Variants in USP6NL observed in about 807,000 individuals in gnomAD.
The protein encoded by USP6NL is USP6 N-terminal like, also known as USP6 N-terminal-like protein.
Under a neutral mutation model 61.9 loss-of-function variants are expected in USP6NL, and 26 were observed. That is an observed-to-expected ratio of 0.42 (90% CI 0.31 to 0.58). The LOEUF (loss-of-function observed/expected upper bound fraction) is 0.58, where lower values mean the gene tolerates loss of function less well. Ranked by LOEUF, USP6NL falls within the 20% of genes least tolerant of loss-of-function variation. The pLI is 0.16. For synonymous variants in USP6NL, 432 were observed against 390.1 expected (o/e 1.11, Z -1.27); for missense variants, 1,114 against 1,034.3 (o/e 1.08, Z -1.06).
Position 11,462,827 on chromosome 10 carries a change from G to A in USP6NL, c.2101C>T (p.Leu701Phe), listed in dbSNP as rs1591806458. The change falls in exon 15 of 15, where the codon CTC becomes TTC. Residue 701 changes from leucine (L) to phenylalanine (F), a missense_variant. Leu to Phe is a conservative substitution (Grantham distance 22). Coordinates refer to ENST00000609104, the MANE Select transcript of USP6NL (RefSeq NM_014688.5). ...LVLPSSRIEV[L>F]PVDTGAGGYS... ...CCCCCAGCACCAGTGTCAACAGGGA[G>A]GACTTCTATTCGACTAGACGGCAGT... is the stretch of plus-strand genomic sequence containing the variant. 1.2e-6 allele frequency: 2 copies of A among 1,613,998 alleles called. No homozygotes were observed. The highest frequency in any genetic ancestry group is 1.7e-6 in the Non-Finnish European group (2 of 1,179,896).
At chr10:11,505,206 C>A (rs1296256998) in intron 6 of USP6NL, among the ~76,000 whole-genome samples, 1 of 151,962 alleles carries the variant, frequency 6.6e-6, no homozygotes, top group Non-Finnish European at 1.5e-5. Flanking sequence ...AGGAATGTGC[C>A]AGGAAGGGAA....
In USP6NL at chr10:11,589,870, C is replaced by T. The variant is rs751441684; in HGVS notation, c.4+7761G>A. Among the ~76,000 whole-genome samples the T allele has an allele frequency of 2.0e-5, 3 of 152,272 alleles. No homozygotes were observed. The highest frequency in any genetic ancestry group is 4.1e-4 in the South Asian group (2 of 4,828). On this transcript the variant is annotated intron_variant, in intron 2 of 14. Transcript: ENST00000609104. The surrounding 1 kb of genome is among the most constrained non-coding windows in gnomAD (Gnocchi z 4.7). Reference sequence around the variant, plus strand: ...CCAATGTGTGAGAACAAAATCAAACCGGTGCCGCTCCAGGGTACCAAGGCA... The same window carrying T: ...CCAATGTGTGAGAACAAAATCAAACTGGTGCCGCTCCAGGGTACCAAGGCA...
Position 11,562,510 on chromosome 10 carries a change from G to C in USP6NL, c.5-34943C>G. 1 of 985,344 alleles carries C rather than the reference G, an allele frequency of 1.0e-6. No individual in the cohort carries two copies. The highest frequency in any genetic ancestry group is 1.2e-6 in the Non-Finnish European group (1 of 829,912). 61.0% of individuals were successfully genotyped at this position (985,344 alleles called of 1,614,324 possible). A position where few individuals can be genotyped will look rare whatever the true frequency, so the allele number is the denominator to read the frequency against. On this transcript the variant is annotated intron_variant, in intron 2 of 14. Coordinates refer to ENST00000609104, the MANE Select transcript of USP6NL (RefSeq NM_014688.5). The surrounding 1 kb of genome is among the most constrained non-coding windows in gnomAD (Gnocchi z 4.8). The stretch of plus-strand genomic sequence containing the variant: ...GCTGAGGAGAAACGTGAAAAGAGCC[G>C]GGTCACTCAAGACATTGCTTGGCCA...
intron 2 of USP6NL, among the ~76,000 whole-genome samples, chr10:11,579,473 G>A (rs527384745): frequency 3.3e-5 from 5 of 152,248 alleles, no homozygotes; most frequent in South Asian, 4.2e-4. Context: ...CATGCAGTGC[G>A]CACATGACAC....
intron 2 of USP6NL, among the ~76,000 whole-genome samples, chr10:11,586,008 T>A (rs1238238727): frequency 6.6e-6 from 1 of 152,168 alleles, no homozygotes; most frequent in Non-Finnish European, 1.5e-5. Flanking sequence ...AGATTAAGGT[T>A]GCACAACAAT....
In USP6NL at chr10:11,489,092, G is replaced by A. The variant is rs770478946; in HGVS notation, c.664+10C>T. 1 of 1,613,010 alleles carries A rather than the reference G, an allele frequency of 6.2e-7. No homozygotes were observed. The highest frequency in any genetic ancestry group is 8.5e-7 in the Non-Finnish European group (1 of 1,179,496). ...CTTGATTGTTTAGATAAAGCACAGG[G>A]TTTTCTTACCATGCATGGCATGTTT... On this transcript the variant is annotated intron_variant, in intron 10 of 14. Coordinates refer to ENST00000609104, the MANE Select transcript of USP6NL (RefSeq NM_014688.5). This position sits in a 1 kb window ranked among gnomAD's most constrained non-coding sequence, Gnocchi z 5.7.
In USP6NL at chr10:11,485,878, C is replaced by T. The variant is rs554398509; in HGVS notation, c.698G>A (p.Arg233Lys). The T allele has an allele frequency of 1.9e-6, 3 of 1,554,590 alleles. No individual in the cohort carries two copies. Among genetic ancestry groups the T allele is most frequent in the Admixed American group, 2.0e-5 (1 of 50,244 alleles). Residue 233 changes from arginine to lysine, a missense_variant, in exon 11 of 15, where the codon AGG becomes AAG. Physicochemically the swap from Arg to Lys is conservative, Grantham distance 26. Coordinates refer to ENST00000609104, the MANE Select transcript of USP6NL (RefSeq NM_014688.5). The surrounding 1 kb of genome is among the most constrained non-coding windows in gnomAD (Gnocchi z 4.8). ...TATTTTTTCATGATGTTCTTGAAAC[C>T]TCAAGAGTTTAGGAAAACCTTGGAC... ...FFVQGFPKLL[R>K]FQEHHEKILN...
chr10:11,577,358 C>CAAAGTGCTGAGATTACAGGCGTGAGCCA (rs1566193918), intron 2 of USP6NL, among the ~76,000 whole-genome samples: 2 of 152,120 alleles, frequency 1.3e-5, no homozygotes, highest in Non-Finnish European at 2.9e-5. Flanking sequence ...GCCACCACGC[C>CAAAGTGCTGAGATTACAGGCGTGAGCCA]CAGCCTAGAA....
In USP6NL at chr10:11,601,981, CT is replaced by C. The variant is rs1329203448; in HGVS notation, c.-83-4265del. Among the ~76,000 whole-genome samples, 45 of 151,646 alleles carry C rather than the reference CT, an allele frequency of 3.0e-4. 1 individual carries two copies. The East Asian group carries it at 3.1e-3, about 10-fold the overall frequency. On this transcript the variant is annotated intron_variant, in intron 1 of 14. Transcript: ENST00000609104. ...GCTATTTAGTGAACTGTCCTACCCC[CT>C]AAAAAAGAAAGAAAAAAAAAGAAGA...
chr10:11,475,282 G>A (rs1336602641), intron 14 of USP6NL, among the ~76,000 whole-genome samples: 2 of 147,696 alleles, frequency 1.4e-5, no homozygotes, highest in African/African-American at 5.0e-5. Flanking sequence ...AAAACTCTTT[G>A]CTACAGAAGA....
chr10:11,472,450 C>T (rs568544798), intron 14 of USP6NL, among the ~76,000 whole-genome samples: 2 of 152,338 alleles, frequency 1.3e-5, no homozygotes, highest in South Asian at 2.1e-4. Context: ...TAAGTGCTCG[C>T]TCTGTGAGCA....
intron 2 of USP6NL, among the ~76,000 whole-genome samples, chr10:11,578,778 C>A (rs762565394): frequency 2.6e-5 from 4 of 152,140 alleles, no homozygotes; most frequent in Non-Finnish European, 4.4e-5. Flanking sequence ...TTTATAACTA[C>A]AGAATTTAAA....
intron 4 of USP6NL, among the ~76,000 whole-genome samples, chr10:11,519,705 T>A: frequency 6.6e-6 from 1 of 152,198 alleles, no homozygotes; most frequent in South Asian, 2.1e-4. Flanking sequence ...TTTTTAAATA[T>A]ACACTAAAAG....
chr10:11,466,890 C>T (rs199757343), intron 14 of USP6NL, among the ~76,000 whole-genome samples: 13 of 152,172 alleles, frequency 8.5e-5, no homozygotes, highest in African/African-American at 2.7e-4. Flanking sequence ...AGTGAAAATA[C>T]GCTATTTTCG....
At chr10:11,571,946 C>A (rs1311250915) in intron 2 of USP6NL, among the ~76,000 whole-genome samples, 1 of 149,864 alleles carries the variant, frequency 6.7e-6, no homozygotes, top group African/African-American at 2.4e-5. Flanking sequence ...ATATACTACT[C>A]CTACTACTTT....
chr10:11,603,063 C>T (rs950145145), intron 1 of USP6NL, among the ~76,000 whole-genome samples: 1 of 152,112 alleles, frequency 6.6e-6, no homozygotes, highest in African/African-American at 2.4e-5. Flanking sequence ...GGTTTGTTTA[C>T]GCTATTCACT....
Position 11,532,607 on chromosome 10 carries a change from T to C in USP6NL, c.5-5040A>G, listed in dbSNP as rs1308657007. 6.6e-6 allele frequency among the ~76,000 whole-genome samples: 1 copy of C among 152,194 alleles called. No homozygotes were observed. Among genetic ancestry groups the C allele is most frequent in the South Asian group, 2.1e-4 (1 of 4,836 alleles). Reference sequence around the variant, plus strand: ...GAAGCAGCTTCATAATGTGCCTTCATCTTGTGTCTCGATATTAGCCACTTT... The same window carrying C: ...GAAGCAGCTTCATAATGTGCCTTCACCTTGTGTCTCGATATTAGCCACTTT... On this transcript the variant is annotated intron_variant, in intron 2 of 14. Transcript: ENST00000609104. This position sits in a 1 kb window ranked among gnomAD's most constrained non-coding sequence, Gnocchi z 4.1.
At position 11,602,679 on chromosome 10, in the gene USP6NL, G is replaced by C. The variant is rs1838577891; in HGVS notation, c.-83-4962C>G. On this transcript the variant is annotated intron_variant, in intron 1 of 14. Transcript: ENST00000609104. The surrounding 1 kb of genome is among the most constrained non-coding windows in gnomAD (Gnocchi z 4.8). ...CTTTCTGAAATCAGACACGTTTTGA[G>C]CACTGACGTGACACTCAAAGGAAAC... 1.3e-5 allele frequency among the ~76,000 whole-genome samples: 2 copies of C among 152,182 alleles called. No individual in the cohort carries two copies. The highest frequency in any genetic ancestry group is 6.5e-5 in the Admixed American group (1 of 15,284).
rs115165668 is a variant in USP6NL at position 11,469,781 on chromosome 10, C to T, written c.1079-5932G>A. Among the ~76,000 whole-genome samples, 730 of 152,322 alleles carry T rather than the reference C, an allele frequency of 4.8e-3. 9 individuals are homozygous for T. Among genetic ancestry groups the T allele is most frequent in the African/African-American group, 0.016 (646 of 41,572 alleles). ...GATCAGACTACAGGGCTGGGGTTTG[C>T]TTCACTTTAAACAGTGCCAGCTCAC... On this transcript the variant is annotated intron_variant, in intron 14 of 14. Transcript: ENST00000609104.
Sources: allele counts gnomAD v4.1 joint callset (sites outside exome capture counted in the v4.1 genomes callset), GRCh38; gene constraint gnomAD v4.1.1; non-coding constraint Gnocchi (gnomAD v3.1); transcripts MANE v1.5; gene names NCBI Gene and HGNC (gene_info 2026-07-23, HGNC 2026-07-21).